KCNIP1: variants seen among roughly 807,000 people sequenced by gnomAD.
The protein encoded by KCNIP1 is potassium voltage-gated channel interacting protein 1, also known as A-type potassium channel modulatory protein KCNIP1.
KCNIP1 carries 18 observed loss-of-function variants against 33.0 expected under a neutral mutation model. The ratio of observed to expected loss-of-function variants is 0.55; its 90% CI spans 0.38 to 0.81. The LOEUF is 0.81. KCNIP1 is among the 30% of genes least tolerant of loss of function. The probability of loss-of-function intolerance (pLI) is 0.00; values close to 1 mark genes in which losing one functional copy is unlikely to be tolerated. For synonymous variants in KCNIP1, 93 were observed against 98.3 expected (o/e 0.95, Z 0.32); for missense variants, 238 against 271.6 (o/e 0.88, Z 0.87).
intron 1 of KCNIP1, chr5:170,383,973 G>A: frequency 3.2e-6 from 3 of 941,074 alleles, no homozygotes; most frequent in Non-Finnish European, 4.7e-6. Flanking sequence ...TCCTCATCTT[G>A]TCTTCAGCAT....
intron 1 of KCNIP1, among the ~76,000 whole-genome samples, chr5:170,506,815 C>G (rs912226332): frequency 2.0e-5 from 3 of 152,234 alleles, no homozygotes; most frequent in Non-Finnish European, 4.4e-5. Flanking sequence ...ACAAAGCCCA[C>G]TGGCGTGAGT....
rs111268858 is a variant in KCNIP1, at chr5:170,419,107, C to T, written c.88+65143C>T. Among the ~76,000 whole-genome samples, 632 of 152,334 alleles carry T rather than the reference C, an allele frequency of 4.1e-3. 2 individuals are homozygous for T. The highest frequency in any genetic ancestry group is 0.025 in the South Asian group (122 of 4,824). On this transcript the variant is annotated intron_variant, in intron 1 of 7. Coordinates refer to the KCNIP1 transcript ENST00000377360. ...TTAACAGATCTTCCTAACGTGTAAA[C>T]GTCGTTGTCCAGGTGAATGGAAGAA...
intron 1 of KCNIP1, among the ~76,000 whole-genome samples, chr5:170,622,777 G>A (rs1358902515): frequency 1.3e-5 from 2 of 152,152 alleles, no homozygotes; most frequent in African/African-American, 4.8e-5. Context: ...AGAGCCTTTG[G>A]AGGGAGCACA....
In KCNIP1 at chr5:170,721,654, T is replaced by C. The variant is rs1763828481; in HGVS notation, c.257-179T>C. The C allele has an allele frequency of 3.0e-6, 4 of 1,335,048 alleles. No homozygotes were observed. The East Asian group carries it at 9.9e-5, about 33-fold the overall frequency. 82.7% of individuals were successfully genotyped at this position (1,335,048 alleles called of 1,614,324 possible). A position where few individuals can be genotyped will look rare whatever the true frequency, so the allele number is the denominator to read the frequency against. On this transcript the variant is annotated intron_variant, in intron 3 of 7. Transcript: ENST00000328939. ...AGGGCTCATCTCACTTTTTGCTAGA[T>C]CTAACTTCACACCCAAACCCAAAGA...
chr5:170,529,898 T>C lies in KCNIP1; in HGVS notation c.61+25265T>C, dbSNP rs4867610. The stretch of plus-strand genomic sequence containing the variant: ...CGAGAATGTCTCCCCACTTCACCCT[T>C]CCAGGCCTTTCTTCTTGTTGGACTC... On this transcript the variant is annotated intron_variant, in intron 1 of 7. Coordinates refer to ENST00000328939, the MANE Select transcript of KCNIP1 (RefSeq NM_014592.4). 5.5e-3 allele frequency among the ~76,000 whole-genome samples: 832 copies of C among 152,320 alleles called. 21 individuals are homozygous for C. The highest frequency in any genetic ancestry group is 0.049 in the Admixed American group (753 of 15,296).
At chr5:170,505,674 G>T (rs189511108) in intron 1 of KCNIP1, among the ~76,000 whole-genome samples, 1 of 152,228 alleles carries the variant, frequency 6.6e-6, no homozygotes, top group Non-Finnish European at 1.5e-5. Flanking sequence ...CTTAGAACTT[G>T]GTTGGTCTCA....
chr5:170,530,672 G>A (rs1208198334), intron 1 of KCNIP1, among the ~76,000 whole-genome samples: 2 of 152,200 alleles, frequency 1.3e-5, no homozygotes, highest in African/African-American at 2.4e-5. Context: ...CCCAAGGTGG[G>A]TATTCAAACT....
intron 1 of KCNIP1, among the ~76,000 whole-genome samples, chr5:170,396,798 T>C (rs900726204): frequency 2.0e-5 from 3 of 152,228 alleles, no homozygotes; most frequent in African/African-American, 7.2e-5. Flanking sequence ...TAAATGTCTC[T>C]TACCAGACCT....
At chr5:170,416,990 G>A (rs546543398) in intron 1 of KCNIP1, among the ~76,000 whole-genome samples, 2 of 152,178 alleles carry the variant, frequency 1.3e-5, no homozygotes, top group South Asian at 4.1e-4. Flanking sequence ...TGTATCTTTT[G>A]CCCCAGCAAT....
chr5:170,543,571 T>G (rs1756295234), intron 1 of KCNIP1, among the ~76,000 whole-genome samples: 1 of 152,238 alleles, frequency 6.6e-6, no homozygotes, highest in African/African-American at 2.4e-5. Context: ...CTAACAGTTT[T>G]GATTTTGTTT....
chr5:170,429,329 G>T (rs940393737), intron 1 of KCNIP1, among the ~76,000 whole-genome samples: 3 of 151,972 alleles, frequency 2.0e-5, no homozygotes, highest in Admixed American at 1.3e-4. Flanking sequence ...GGCATTGGAG[G>T]CTCACCACAG....
At chr5:170,365,872 A>G (rs1763646684) in intron 1 of KCNIP1, among the ~76,000 whole-genome samples, 1 of 152,230 alleles carries the variant, frequency 6.6e-6, no homozygotes. Context: ...TGTTTAGTGT[A>G]GGGCTTGTGT....
At position 170,641,174 on chromosome 5, in the gene KCNIP1, C is replaced by T. The variant is rs150939550; in HGVS notation, c.62-77584C>T. 1.5e-3 allele frequency among the ~76,000 whole-genome samples: 233 copies of T among 152,272 alleles called. 1 individual carries two copies. Among genetic ancestry groups the T allele is most frequent in the African/African-American group, 5.3e-3 (220 of 41,558 alleles). On this transcript the variant is annotated intron_variant, in intron 1 of 7. Transcript: ENST00000328939. ...TCGTGGCACTTTGGGACCCTCTGCC[C>T]GCTGGCTTATGGGCATGGCTTCCCC...
intron 1 of KCNIP1, among the ~76,000 whole-genome samples, chr5:170,535,262 C>T (rs963316678): frequency 3.9e-5 from 6 of 152,164 alleles, no homozygotes; most frequent in African/African-American, 1.4e-4. Flanking sequence ...ACTGGAAGGA[C>T]GTTCTCCTTG....
intron 1 of KCNIP1, among the ~76,000 whole-genome samples, chr5:170,442,760 T>C (rs1007559746): frequency 2.0e-5 from 3 of 152,190 alleles, no homozygotes; most frequent in Admixed American, 6.5e-5. Flanking sequence ...ATATTGTCAG[T>C]GTAGACATGT....
chr5:170,651,979 T>C (rs1761060173), intron 1 of KCNIP1, among the ~76,000 whole-genome samples: 1 of 152,134 alleles, frequency 6.6e-6, no homozygotes, highest in Non-Finnish European at 1.5e-5. Flanking sequence ...TTGAAAGAGA[T>C]TGTACAGTAA....
At chr5:170,699,212 G>A (rs1479920417) in intron 1 of KCNIP1, among the ~76,000 whole-genome samples, 2 of 152,162 alleles carry the variant, frequency 1.3e-5, no homozygotes, top group Non-Finnish European at 2.9e-5. Context: ...AACTCTCAGA[G>A]ATCACCACTA....
chr5:170,678,568 A>T (rs1762224949), intron 1 of KCNIP1: 1 of 152,236 alleles, frequency 6.6e-6, no homozygotes, highest in African/African-American at 2.4e-5. Flanking sequence ...CTTTCCTAGA[A>T]ATACCAGAAA....
chr5:170,662,144 T>C (rs910868856), intron 1 of KCNIP1, among the ~76,000 whole-genome samples: 1 of 152,224 alleles, frequency 6.6e-6, no homozygotes, highest in African/African-American at 2.4e-5. Flanking sequence ...GTAGCTTCTA[T>C]TTTTCTATAA....
Sources: gnomAD v4.1 joint callset for allele counts (sites outside exome capture counted in the v4.1 genomes callset) on GRCh38, gnomAD v4.1.1 for gene constraint, MANE v1.5 for transcripts, NCBI Gene and HGNC (gene_info 2026-07-23, HGNC 2026-07-21) for gene names.